Variants in CAT observed in about 807,000 individuals in gnomAD.
The protein encoded by CAT is epididymis secretory sperm binding protein.
A neutral mutation model predicts 59.0 loss-of-function variants in CAT; 43 were observed. That is an observed-to-expected ratio of 0.73 (90% confidence interval 0.57 to 0.94). CAT has a LOEUF of 0.94. CAT is among the 40% of genes least tolerant of loss of function. The pLI, the probability that CAT is intolerant of heterozygous loss-of-function variation, is 0.00. For missense variants in CAT, 664 were observed against 682.9 expected, an observed-to-expected ratio of 0.97 and a Z score of 0.31; for synonymous variants, 218 against 230.9, an observed-to-expected ratio of 0.94 and a Z score of 0.51.
At chr11:34,457,474 T>TG (rs1856605523) in intron 8 of CAT, among the ~76,000 whole-genome samples, 1 of 152,206 alleles carries the variant, frequency 6.6e-6, no homozygotes, top group African/African-American at 2.4e-5. Flanking sequence ...CCCAAAGTGC[T>TG]GGATTATAGG....
intron 1 of CAT, among the ~76,000 whole-genome samples, chr11:34,444,825 G>A (rs1446845455): frequency 2.0e-5 from 3 of 152,154 alleles, no homozygotes; most frequent in Non-Finnish European, 4.4e-5. Flanking sequence ...CTGGCCAAAA[G>A]AAGCCTATAA....
intron 11 of CAT, among the ~76,000 whole-genome samples, chr11:34,468,985 A>G (rs1367273370): frequency 1.3e-5 from 2 of 152,202 alleles, no homozygotes; most frequent in African/African-American, 4.8e-5. Flanking sequence ...CCTCCTTCAG[A>G]TGCAGACTAG....
At chr11:34,455,919 G>T in intron 6 of CAT, 92 bp from the exon 7 acceptor site, 1 of 996,256 alleles carries the variant, frequency 1.0e-6, no homozygotes, top group South Asian at 1.3e-5. Flanking sequence ...TCTTTGGGCA[G>T]TGTTACTCAT....
intron 10 of CAT, among the ~76,000 whole-genome samples, chr11:34,464,548 G>A (rs564429730): frequency 2.7e-4 from 41 of 152,242 alleles, no homozygotes; most frequent in African/African-American, 9.4e-4. Context: ...TACAGCTTAC[G>A]TGGAGACAAA....
intron 10 of CAT, among the ~76,000 whole-genome samples, chr11:34,466,804 A>AAAAAG (rs1554938652): frequency 6.8e-6 from 1 of 147,830 alleles, no homozygotes; most frequent in African/African-American, 2.6e-5. Flanking sequence ...AAAAAAAAAA[A>AAAAAG]GAAAATAGAT....
At chr11:34,452,344 C>T (rs1856534220) in intron 4 of CAT, 137 bp downstream of exon 4, 1 of 749,746 alleles carries the variant, frequency 1.3e-6, no homozygotes, top group Non-Finnish European at 2.3e-6. Context: ...TTTTTCAACA[C>T]ATTTTTCTGT....
At chr11:34,469,780 C>T (rs956258516) in intron 11 of CAT, among the ~76,000 whole-genome samples, 1 of 151,970 alleles carries the variant, frequency 6.6e-6, no homozygotes, top group Non-Finnish European at 1.5e-5. Context: ...ATTTTCCTGC[C>T]TCAGCCTCCC....
intron 1 of CAT, among the ~76,000 whole-genome samples, chr11:34,442,609 A>G (rs1362654698): frequency 6.6e-6 from 1 of 152,102 alleles, no homozygotes; most frequent in Non-Finnish European, 1.5e-5. Flanking sequence ...CTCAAAAAGA[A>G]AAAAAAAGAA....
chr11:34,466,500 G>A (rs1202786542), intron 10 of CAT, among the ~76,000 whole-genome samples: 1 of 152,138 alleles, frequency 6.6e-6, no homozygotes, highest in Non-Finnish European at 1.5e-5. Flanking sequence ...TAGATGGGCT[G>A]GGCGCGGTGG....
At position 34,453,680 on chromosome 11, in the gene CAT, G is replaced by A. The variant is rs1856556172; in HGVS notation, c.586-121G>A. The A allele has an allele frequency of 1.8e-5, 16 of 865,990 alleles. 1 individual carries two copies. The South Asian group carries it at 2.1e-4, about 11-fold the overall frequency. The allele number at this position is 865,990 out of a possible 1,614,324, so 53.6% of individuals were successfully genotyped here. A position where few individuals can be genotyped will look rare whatever the true frequency, so the allele number is the denominator to read the frequency against. ...ATAATAATGGTAACCCTTCCCATGG[G>A]AAATTGGCTAGTATGTTTTATGTCA... is the stretch of plus-strand genomic sequence containing the variant. On this transcript the variant is annotated intron_variant, in intron 5 of 12. Transcript: ENST00000241052.
intron 1 of CAT, among the ~76,000 whole-genome samples, chr11:34,445,000 G>A (rs555742695): frequency 1.1e-3 from 163 of 152,232 alleles, no homozygotes; most frequent in African/African-American, 3.8e-3. Context: ...TTGGAGGGGC[G>A]ATGCAGGGAG....
chr11:34,469,547 G>A (rs774982119), intron 11 of CAT, among the ~76,000 whole-genome samples: 2 of 152,000 alleles, frequency 1.3e-5, no homozygotes, highest in Admixed American at 6.6e-5. Flanking sequence ...GTCTGGGCCC[G>A]TTTCTCAATG....
chr11:34,453,358 C>G (rs911088354), intron 5 of CAT, among the ~76,000 whole-genome samples, 164 bp downstream of exon 5: 2 of 152,148 alleles, frequency 1.3e-5, no homozygotes, highest in Non-Finnish European at 2.9e-5. Context: ...CTAATCATCC[C>G]CCATTCATCG....
At chr11:34,443,551 ACTTAC>A (rs1856415676) in intron 1 of CAT, among the ~76,000 whole-genome samples, 1 of 148,712 alleles carries the variant, frequency 6.7e-6, no homozygotes, top group Non-Finnish European at 1.5e-5. Context: ...CTTTTGAGAT[ACTTAC>A]CTTTAACCCA....
intron 10 of CAT, 130 bp downstream of exon 10, chr11:34,464,365 C>A: frequency 2.0e-6 from 2 of 979,106 alleles, no homozygotes; most frequent in Non-Finnish European, 1.6e-6. Context: ...GAAGACTCAT[C>A]TGTAATAGTA....
At chr11:34,457,040 CTACA>C (rs17884095) in intron 8 of CAT, 141,110 of 564,784 alleles carry the variant, frequency 0.25, 18,580 homozygotes, top group Middle Eastern at 0.33. Flanking sequence ...GGTAAGATCC[CTACA>C]TATGTGAAGA....
chr11:34,453,421 A>G lies in CAT; in HGVS notation c.585+227A>G, dbSNP rs374192073. 1.3e-3 allele frequency among the ~76,000 whole-genome samples: 196 copies of G among 152,316 alleles called. 1 individual carries two copies. Among genetic ancestry groups the G allele is most frequent in the Middle Eastern group, 6.8e-3 (2 of 294 alleles). On this transcript the variant is annotated intron_variant, in intron 5 of 12. Coordinates refer to ENST00000241052, the MANE Select transcript of CAT (RefSeq NM_001752.4). ...AGATAGCTAGCAACATTGTCAGTTG[A>G]TATTTAGCAGTAGTAAGGATGAAAG...
At chr11:34,439,221 C>G (rs1295501626) in intron 1 of CAT, 142 bp downstream of exon 1, 2 of 812,230 alleles carry the variant, frequency 2.5e-6, no homozygotes, top group Non-Finnish European at 4.1e-6. Flanking sequence ...CCCTTCGGTG[C>G]AGACGGACTT....
intron 11 of CAT, 126 bp downstream of exon 11, chr11:34,468,521 A>T (rs906261258): frequency 1.3e-5 from 9 of 705,150 alleles, no homozygotes; most frequent in South Asian, 9.5e-5. Flanking sequence ...AAAAAAAAAA[A>T]AATAAACTAG....
Sources: allele counts gnomAD v4.1 joint callset (sites outside exome capture counted in the v4.1 genomes callset), GRCh38; gene constraint gnomAD v4.1.1; transcripts MANE v1.5; gene names NCBI Gene and HGNC (gene_info 2026-07-23, HGNC 2026-07-21).